Variants in CFAP96 observed in about 807,000 individuals in gnomAD.
CFAP96 encodes the protein cilia-and flagella-associated protein 96.
At chr4:185,409,036 A>G in the CFAP96 span, among the ~76,000 whole-genome samples, 2 of 152,196 alleles carry the variant, frequency 1.3e-5, no homozygotes, top group East Asian at 1.9e-4. Context: ...CAGTGAGTAC[A>G]TACACTGTGT....
At chr4:185,419,719 T>G in the CFAP96 span, among the ~76,000 whole-genome samples, 4 of 152,246 alleles carry the variant, frequency 2.6e-5, no homozygotes, top group Non-Finnish European at 5.9e-5. Flanking sequence ...TAGCTTAATG[T>G]TTCTTCTGTA....
chr4:185,440,549 G>T, the CFAP96 span: 3 of 1,509,162 alleles, frequency 2.0e-6, no homozygotes, highest in Non-Finnish European at 2.7e-6. Flanking sequence ...GAAAGCGAAT[G>T]AAGAGCACCA....
At chr4:185,438,840 C>T in the CFAP96 span, among the ~76,000 whole-genome samples, 29 of 152,314 alleles carry the variant, frequency 1.9e-4, no homozygotes, top group South Asian at 2.9e-3. Context: ...GTACTCCGTC[C>T]GATGCCCTGT....
At chr4:185,414,042 C>T in the CFAP96 span, among the ~76,000 whole-genome samples, 3 of 151,936 alleles carry the variant, frequency 2.0e-5, no homozygotes, top group Non-Finnish European at 4.4e-5. Context: ...TGAACTAAAA[C>T]CAAGTAAGAT....
chr4:185,418,466 T>G, the CFAP96 span: 1 of 1,610,740 alleles, frequency 6.2e-7, no homozygotes, highest in Non-Finnish European at 8.5e-7. Context: ...TTTGTCCTTC[T>G]TTCTCATGAA....
chr4:185,448,132 T>C, the CFAP96 span, among the ~76,000 whole-genome samples: 1 of 152,260 alleles, frequency 6.6e-6, no homozygotes, highest in South Asian at 2.1e-4. Context: ...GCAACTCTCC[T>C]GTCTCAGCCT....
chr4:185,415,673 C>T, the CFAP96 span: 1 of 1,569,572 alleles, frequency 6.4e-7, no homozygotes, highest in South Asian at 1.2e-5. Flanking sequence ...GAAGGGCCCT[C>T]ATTCAAATGT....
the CFAP96 span, among the ~76,000 whole-genome samples, chr4:185,433,322 C>T: frequency 6.7e-6 from 1 of 148,724 alleles, no homozygotes; most frequent in Non-Finnish European, 1.5e-5. Context: ...GCTTTAACTC[C>T]GGAGCCTGAG....
chr4:185,408,977 T>C, the CFAP96 span, among the ~76,000 whole-genome samples: 3 of 152,224 alleles, frequency 2.0e-5, no homozygotes, highest in Non-Finnish European at 4.4e-5. Flanking sequence ...AAATGATACA[T>C]TACTTATCAT....
At chr4:185,412,973 A>G in the CFAP96 span, among the ~76,000 whole-genome samples, 1 of 152,138 alleles carries the variant, frequency 6.6e-6, no homozygotes, top group Non-Finnish European at 1.5e-5. Context: ...GCAACCGGGT[A>G]TATGTTACAT....
chr4:185,413,499 A>G, the CFAP96 span, among the ~76,000 whole-genome samples: 2 of 152,254 alleles, frequency 1.3e-5, no homozygotes, highest in African/African-American at 4.8e-5. Flanking sequence ...CTTTAAAGAA[A>G]TAAGAGAATT....
the CFAP96 span, among the ~76,000 whole-genome samples, chr4:185,444,129 A>C: frequency 6.7e-6 from 1 of 148,950 alleles, no homozygotes; most frequent in African/African-American, 2.5e-5. Context: ...AATTTTTTGT[A>C]TTTTTAGTAG....
chr4:185,439,967 ATGTATATG>A, the CFAP96 span, among the ~76,000 whole-genome samples: 3 of 145,228 alleles, frequency 2.1e-5, no homozygotes, highest in South Asian at 2.1e-4. Flanking sequence ...ATATACATAT[ATGTATATG>A]TGTATATGTG....
the CFAP96 span, among the ~76,000 whole-genome samples, chr4:185,446,498 T>G: frequency 6.6e-6 from 1 of 152,170 alleles, no homozygotes; most frequent in East Asian, 1.9e-4. Context: ...AACATCCATT[T>G]AGAGCTTCAA....
At chr4:185,437,103 G>A in the CFAP96 span, among the ~76,000 whole-genome samples, 3,957 of 152,348 alleles carry the variant, frequency 0.026, 86 homozygotes, top group Middle Eastern at 0.075. Context: ...ATGATGAGCA[G>A]ATGGGATGGA....
the CFAP96 span, chr4:185,440,692 T>G: frequency 2.7e-6 from 4 of 1,479,564 alleles, no homozygotes; most frequent in Non-Finnish European, 3.7e-6. Context: ...TTTCAAATAC[T>G]TTTAAACCGT....
At chr4:185,439,825 A>G in the CFAP96 span, among the ~76,000 whole-genome samples, 3 of 147,898 alleles carry the variant, frequency 2.0e-5, no homozygotes, top group African/African-American at 7.4e-5. Context: ...TCATATATGT[A>G]TATACATAAT....
chr4:185,436,327 G>A, the CFAP96 span: 52 of 1,550,610 alleles, frequency 3.4e-5, no homozygotes, highest in African/African-American at 2.2e-4. Context: ...ACACTCTGCC[G>A]ACTTCTATGA....
At chr4:185,408,615 C>G in the CFAP96 span, among the ~76,000 whole-genome samples, 1 of 152,180 alleles carries the variant, frequency 6.6e-6, no homozygotes, top group African/African-American at 2.4e-5. Context: ...ATTTGAGGTT[C>G]AAAGTCCTTA....
Sources: gnomAD v4.1 joint callset for allele counts (sites outside exome capture counted in the v4.1 genomes callset) on GRCh38, gnomAD v4.1.1 for gene constraint, MANE v1.5 for transcripts, NCBI Gene and HGNC (gene_info 2026-07-23, HGNC 2026-07-21) for gene names.